The following KLHL35 variants were observed in gnomAD, a reference collection of about 807,000 sequenced individuals.
KLHL35 encodes kelch-like protein 35.
A neutral mutation model predicts 44.0 loss-of-function variants in KLHL35; 50 were observed. The observed-to-expected ratio is 1.14, with a 90% CI of 0.91 to 1.44. KLHL35 has a LOEUF of 1.44. Among genes scored for constraint, KLHL35 ranks in the 40% most tolerant of loss-of-function variants. The probability of loss-of-function intolerance (pLI) is 0.00; values close to 1 mark genes in which losing one functional copy is unlikely to be tolerated. For synonymous variants in KLHL35, 470 were observed against 410.4 expected, an observed-to-expected ratio of 1.15 and a Z score of -1.76; for missense variants, 1,049 against 887.8, an observed-to-expected ratio of 1.18 and a Z score of -2.31.
At position 75,426,551 on chromosome 11, in the gene KLHL35, C is replaced by T. The variant is rs772867865; in HGVS notation, c.1154G>A (p.Trp385Ter). Residue 385 changes from tryptophan (W) to a stop codon, truncating the protein, a stop_gained, in exon 4 of 7, where the codon TGG (tryptophan) becomes TAG (stop). Coordinates refer to ENST00000539798, the MANE Select transcript of KLHL35 (RefSeq NM_001039548.3). LOFTEE classifies it high-confidence loss of function. ...CTGCACAACTGCCATCTTGTGCCTCCACCTGCCCTTGTGCAGAGAGGCTAC... is the reference window on the plus strand; with the variant it reads ...CTGCACAACTGCCATCTTGTGCCTCTACCTGCCCTTGTGCAGAGAGGCTAC... Reference protein sequence around the residue: ...IKVASLHKGRWRHKMAVVQGQ... With the variant: ...IKVASLHKGR The T allele has an allele frequency of 1.2e-6, 2 of 1,603,196 alleles. No homozygotes were observed. Among genetic ancestry groups the T allele is most frequent in the South Asian group, 2.2e-5 (2 of 89,068 alleles).
rs781441733 is a variant in KLHL35, at chr11:75,428,676, C to T, written c.882-50G>A. ...CTGTTGGGCCGCACCCAAGTTCGGC[C>T]CTCTCTTACCCTCTCGACCACACTG... On this transcript the variant is annotated intron_variant, in intron 2 of 6. Coordinates refer to ENST00000539798, the MANE Select transcript of KLHL35 (RefSeq NM_001039548.3). The T allele has an allele frequency of 6.8e-6, 10 of 1,465,458 alleles. No homozygotes were observed. The South Asian group carries it at 1.0e-4, about 15-fold the overall frequency. The allele number at this position is 1,465,458 out of a possible 1,614,324, so 90.8% of individuals were successfully genotyped here.
chr11:75,428,327 G>A lies in KLHL35; in HGVS notation c.1066+115C>T, dbSNP rs1285927176. ...CTGCTCACTTCAGCCAATAACTGTA[G>A]GTTATCAGAAAACATCCCGCCCCTC... On this transcript the variant is annotated intron_variant, in intron 3 of 6. Transcript: ENST00000539798. 26 of 1,227,052 alleles carry A rather than the reference G, an allele frequency of 2.1e-5. No homozygotes were observed. The Admixed American group carries it at 3.1e-4, about 15-fold the overall frequency. 76.0% of individuals were successfully genotyped at this position (1,227,052 alleles called of 1,614,324 possible). A position where few individuals can be genotyped will look rare whatever the true frequency, so the allele number is the denominator to read the frequency against.
rs532462847 is a variant in KLHL35 at position 75,429,889 on chromosome 11, C to G, written c.741G>C (p.Leu247=). The G allele has an allele frequency of 5.3e-5, 81 of 1,518,482 alleles. No individual in the cohort carries two copies. The African/African-American group carries it at 9.4e-4, about 18-fold the overall frequency. The allele number at this position is 1,518,482 out of a possible 1,614,324, so 94.1% of individuals were successfully genotyped here. The change falls in exon 2 of 7, where the codon CTG becomes CTC. Residue 247 remains leucine, a synonymous_variant. Coordinates refer to ENST00000539798, the MANE Select transcript of KLHL35 (RefSeq NM_001039548.3). Reference sequence around the variant, plus strand: ...CCTTCTCCAGGAAGTAAGCGGGCGCCAGTAGCGGCAGGCGCACGTGCTCCA... The same window carrying G: ...CCTTCTCCAGGAAGTAAGCGGGCGCGAGTAGCGGCAGGCGCACGTGCTCCA... ...RLLEHVRLPL[L]APAYFLEKVE...
chr11:75,426,659 G>T, intron 3 of KLHL35, 21 bp from the exon 4 acceptor site: 1 of 1,514,532 alleles, frequency 6.6e-7, no homozygotes, highest in Non-Finnish European at 9.0e-7. Context: ...AGAAGCAGCT[G>T]TTGCCCATCG....
At chr11:75,431,829 G>C (rs1158689179) in intron 1 of KLHL35, among the ~76,000 whole-genome samples, 4 of 152,212 alleles carry the variant, frequency 2.6e-5, no homozygotes, top group African/African-American at 9.7e-5. Context: ...AGCTACATGG[G>C]TGTTTCCCTA....
chr11:75,426,421 A>G (rs776979900), intron 4 of KLHL35, 99 bp downstream of exon 4: 2 of 733,686 alleles, frequency 2.7e-6, no homozygotes, highest in Non-Finnish European at 4.4e-6. Context: ...GGGGCTTCAG[A>G]CCCCTTCTTA....
chr11:75,429,839 G>T lies in KLHL35; in HGVS notation c.791C>A (p.Ala264Asp). ...CAGCAGCGGGCGGCACTCGCCGCAG[G>T]CCTGCAGCAGCTCGTCCGCCTCCAC... ...EKVEADELLQ[A>D]CGECRPLLLE... is the part of the protein sequence containing the mutation. Residue 264 changes from alanine (A) to aspartate (D), a missense_variant, in exon 2 of 7, where the codon GCC becomes GAC. Coordinates refer to ENST00000539798, the MANE Select transcript of KLHL35 (RefSeq NM_001039548.3). 1 of 1,512,314 alleles carries T rather than the reference G, an allele frequency of 6.6e-7. No individual in the cohort carries two copies. The highest frequency in any genetic ancestry group is 8.8e-7 in the Non-Finnish European group (1 of 1,138,342). The allele number at this position is 1,512,314 out of a possible 1,614,324, so 93.7% of individuals were successfully genotyped here. A position where few individuals can be genotyped will look rare whatever the true frequency, so the allele number is the denominator to read the frequency against.
chr11:75,430,682 G>T, intron 1 of KLHL35, 52 bp from the exon 2 acceptor site: 2 of 1,287,510 alleles, frequency 1.6e-6, no homozygotes, highest in South Asian at 2.2e-5. Flanking sequence ...GGCTGCGCCC[G>T]GGAGAGGCGA....
intron 1 of KLHL35, among the ~76,000 whole-genome samples, chr11:75,430,905 C>T (rs693870): frequency 0.64 from 97,593 of 152,086 alleles, 32,239 homozygotes; most frequent in African/African-American, 0.8. Context: ...AGATGGCACG[C>T]TCTCAAACAG....
Position 75,430,575 on chromosome 11 carries a change from C to T in KLHL35, c.55G>A (p.Ala19Thr), listed in dbSNP as rs1213134120. The stretch of plus-strand genomic sequence containing the variant: ...ACGCGCTGCGCGTGGCACGGACCCG[C>T]GCACGGCGCTTCGCAGCCCGGCTCC... ...ESEPGCEAPC[A>T]GPCHAQRVLQ... The change falls in exon 2 of 7, where the codon GCG becomes ACG. Residue 19 changes from alanine to threonine, a missense_variant. By Grantham distance (58) the Ala-to-Thr change is moderately conservative (BLOSUM62 0). Coordinates refer to ENST00000539798, the MANE Select transcript of KLHL35 (RefSeq NM_001039548.3). 7.6e-6 allele frequency: 11 copies of T among 1,449,388 alleles called. No individual in the cohort carries two copies. In the South Asian group the frequency reaches 9.4e-5, roughly 12 times the overall value. The allele number at this position is 1,449,388 out of a possible 1,614,324, so 89.8% of individuals were successfully genotyped here.
At chr11:75,424,054 C>T in intron 5 of KLHL35, 174 bp from the exon 6 acceptor site, 1 of 596,552 alleles carries the variant, frequency 1.7e-6, no homozygotes, top group African/African-American at 1.9e-5. Flanking sequence ...CGTCCCTGCC[C>T]TCAAGGGCTC....
intron 5 of KLHL35, 21 bp downstream of exon 5, chr11:75,425,372 G>A (rs1212142284): frequency 1.3e-6 from 2 of 1,519,402 alleles, no homozygotes; most frequent in Non-Finnish European, 1.8e-6. Context: ...ACGCCCTCTC[G>A]CGCCTGAGGC....
chr11:75,429,655 A>C, intron 2 of KLHL35, 94 bp downstream of exon 2: 2 of 1,318,560 alleles, frequency 1.5e-6, no homozygotes, highest in Non-Finnish European at 2.0e-6. Flanking sequence ...GAATATCATC[A>C]AGAGGCAGTA....
At position 75,428,507 on chromosome 11, in the gene KLHL35, C is replaced by A. The variant is rs1348862699; in HGVS notation, c.1001G>T (p.Ser334Ile). 6.2e-7 allele frequency: 1 copy of A among 1,612,316 alleles called. No individual in the cohort carries two copies. Among genetic ancestry groups the A allele is most frequent in the African/African-American group, 1.3e-5 (1 of 74,944 alleles). Residue 334 changes from serine (S) to isoleucine (I), a missense_variant, in exon 3 of 7, where the codon AGC becomes ATC. Transcript: ENST00000539798. ...TTCTGAGCGAGTGTAGCCGGGCAGG[C>A]TGGGCAGTGGGGTCCACCGCTGGCT... ...PESQRWTPLP[S>I]LPGYTRSEFA...
Position 75,422,628 on chromosome 11 carries a change from G to A in KLHL35, c.1704C>T (p.Cys568=), listed in dbSNP as rs762735982. 4 of 1,613,838 alleles carry A rather than the reference G, an allele frequency of 2.5e-6. No individual in the cohort carries two copies. In the East Asian group the frequency reaches 8.9e-5, roughly 36 times the overall value. ...QVEVQPSLQR[C]TSSHGCVTII... ...TGGTGACACAGCCGTGGGAGCTGGT[G>A]CAGCGCTGCAGGGATGGCTGGACCT... The change falls in exon 7 of 7, where the codon TGC becomes TGT. Residue 568 remains cysteine (C), a synonymous_variant. Transcript: ENST00000539798.
chr11:75,427,799 G>A (rs1309203355), intron 3 of KLHL35, among the ~76,000 whole-genome samples: 1 of 152,126 alleles, frequency 6.6e-6, no homozygotes, highest in East Asian at 1.9e-4. Flanking sequence ...AACTTTCAAG[G>A]TCCAGCTGAA....
Position 75,426,576 on chromosome 11 carries a change from C to T in KLHL35, c.1129G>A (p.Val377Ile). Reference protein sequence around the residue: ...FSSHLHTWIKVASLHKGRWRH... With the variant: ...FSSHLHTWIKIASLHKGRWRH... Reference sequence around the variant, plus strand: ...CACCTGCCCTTGTGCAGAGAGGCTACCTTGATCCAGGTGTGCAGATGGGAG... The same window carrying T: ...CACCTGCCCTTGTGCAGAGAGGCTATCTTGATCCAGGTGTGCAGATGGGAG... Residue 377 changes from valine (V) to isoleucine (I), a missense_variant, in exon 4 of 7, where the codon GTA becomes ATA. Physicochemically the swap from Val to Ile is conservative, Grantham distance 29. Transcript: ENST00000539798. 1.2e-6 allele frequency: 2 copies of T among 1,607,158 alleles called. No homozygotes were observed. The highest frequency in any genetic ancestry group is 1.3e-5 in the African/African-American group (1 of 74,960).
At position 75,433,203 on chromosome 11, in the gene KLHL35, C is replaced by G. The variant is rs1948555007; in HGVS notation, c.-162G>C. Reference sequence around the variant, plus strand: ...TCGCTCGGGCTCAGCTGCGGGAGGACAAAGGGGCTGGACGCCAGGAGGGAG... The same window carrying G: ...TCGCTCGGGCTCAGCTGCGGGAGGAGAAAGGGGCTGGACGCCAGGAGGGAG... On this transcript the variant is annotated 5_prime_UTR_variant, in exon 1 of 7. Coordinates refer to ENST00000539798, the MANE Select transcript of KLHL35 (RefSeq NM_001039548.3). Among the ~76,000 whole-genome samples the G allele has an allele frequency of 1.3e-5, 2 of 151,776 alleles. No homozygotes were observed. The highest frequency in any genetic ancestry group is 4.2e-4 in the South Asian group (2 of 4,806).
chr11:75,425,510 G>T lies in KLHL35; in HGVS notation c.1257C>A (p.Asn419Lys). Reference sequence around the variant, plus strand: ...GGAGGGGCGCGGCGGCCGCCCAGGTGTTGGAGAAGGGGTCGTAGCGCTCCA... The same window carrying T: ...GGAGGGGCGCGGCGGCCGCCCAGGTTTTGGAGAAGGGGTCGTAGCGCTCCA... ...HSVERYDPFS[N>K]TWAAAAPLPE... is the part of the protein sequence containing the mutation. Residue 419 changes from asparagine to lysine, a missense_variant, in exon 5 of 7, where the codon AAC (asparagine) becomes AAA (lysine). Asn to Lys is a moderately conservative substitution (Grantham distance 94). Transcript: ENST00000539798. 6.4e-7 allele frequency: 1 copy of T among 1,564,562 alleles called. No homozygotes were observed. The highest frequency in any genetic ancestry group is 8.6e-7 in the Non-Finnish European group (1 of 1,163,086).
Sources: allele counts gnomAD v4.1 joint callset (sites outside exome capture counted in the v4.1 genomes callset), GRCh38; gene constraint gnomAD v4.1.1; transcripts MANE v1.5; gene names NCBI Gene and HGNC (gene_info 2026-07-23, HGNC 2026-07-21).